Variants in RUFY3 observed in about 807,000 individuals in gnomAD.
RUFY3 encodes RUN and FYVE domain containing 3.
RUFY3 carries 34 observed loss-of-function variants against 84.0 expected under a neutral mutation model. The observed-to-expected ratio is 0.40, with a 90% confidence interval of 0.31 to 0.54. The LOEUF (loss-of-function observed/expected upper bound fraction) is 0.54, where lower values mean the gene tolerates loss of function less well. RUFY3 is among the 20% of genes least tolerant of loss of function. The pLI is 0.39. For synonymous variants in RUFY3, 242 were observed against 252.9 expected (o/e 0.96, Z 0.41); for missense variants, 507 against 736.8 (o/e 0.69, Z 3.61).
intron 4 of RUFY3, 60 bp downstream of exon 4, chr4:70,764,636 A>G (rs1182655456): frequency 1.0e-6 from 1 of 980,634 alleles, no homozygotes; most frequent in East Asian, 2.4e-5. Context: ...GTATAAAGTC[A>G]AACCATATAA....
intron 8 of RUFY3, among the ~76,000 whole-genome samples, chr4:70,779,671 C>T (rs1247266180): frequency 6.6e-6 from 1 of 151,600 alleles, no homozygotes; most frequent in African/African-American, 2.4e-5. Context: ...TAACCCCCGC[C>T]CCCCGGGCTC....
chr4:70,802,214 T>A (rs1578266537), intron 15 of RUFY3, among the ~76,000 whole-genome samples: 1 of 152,142 alleles, frequency 6.6e-6, no homozygotes, highest in African/African-American at 2.4e-5. Context: ...ATAGCTGCAA[T>A]CGTTAGACAT....
intron 1 of RUFY3, among the ~76,000 whole-genome samples, chr4:70,737,489 T>C (rs1389657355): frequency 6.6e-6 from 1 of 152,118 alleles, no homozygotes; most frequent in East Asian, 1.9e-4. Context: ...AGCTAAAGTA[T>C]CTTAGAGACA....
intron 1 of RUFY3, among the ~76,000 whole-genome samples, chr4:70,755,584 A>G (rs1293563395): frequency 6.6e-6 from 1 of 152,210 alleles, no homozygotes; most frequent in Admixed American, 6.5e-5. Context: ...ATGACTCTGT[A>G]AAGTTTATTA....
At chr4:70,798,537 T>C (rs563402291) in intron 14 of RUFY3, among the ~76,000 whole-genome samples, 3 of 151,996 alleles carry the variant, frequency 2.0e-5, no homozygotes, top group African/African-American at 7.2e-5. Context: ...ATGCCTGAAC[T>C]TTGTGAGGCC....
intron 8 of RUFY3, among the ~76,000 whole-genome samples, chr4:70,780,932 T>C (rs1728816682): frequency 6.6e-6 from 1 of 152,164 alleles, no homozygotes. Context: ...GTTCTGCCTT[T>C]TTTCATTTCC....
intron 12 of RUFY3, chr4:70,792,908 A>AT: frequency 1.0e-6 from 1 of 985,446 alleles, no homozygotes; most frequent in Non-Finnish European, 1.2e-6. Flanking sequence ...TCTTCTCTTC[A>AT]TCAACCTTTT....
chr4:70,733,168 AAG>A (rs1287821134), intron 1 of RUFY3, among the ~76,000 whole-genome samples: 7 of 98,362 alleles, frequency 7.1e-5, no homozygotes, highest in African/African-American at 1.9e-4. Flanking sequence ...GAGAGAGAGA[AAG>A]AAAGAAAGAA....
intron 8 of RUFY3, 78 bp downstream of exon 8, chr4:70,778,516 GGAAA>G: frequency 2.7e-6 from 2 of 747,110 alleles, no homozygotes; most frequent in Non-Finnish European, 4.6e-6. Flanking sequence ...ATGTAACCTT[GGAAA>G]GAAAGAACTT....
intron 1 of RUFY3, among the ~76,000 whole-genome samples, chr4:70,746,761 C>T (rs1223651270): frequency 1.3e-5 from 2 of 152,060 alleles, no homozygotes; most frequent in African/African-American, 2.4e-5. Context: ...AATGATTCTT[C>T]GGAGAATTAT....
intron 1 of RUFY3, among the ~76,000 whole-genome samples, chr4:70,727,228 T>G (rs1476019711): frequency 6.6e-6 from 1 of 150,812 alleles, no homozygotes; most frequent in East Asian, 1.9e-4. Flanking sequence ...GTGTTATTAC[T>G]GAGATGAAGT....
chr4:70,745,855 G>C (rs1185942045), intron 1 of RUFY3, among the ~76,000 whole-genome samples: 1 of 152,180 alleles, frequency 6.6e-6, no homozygotes, highest in African/African-American at 2.4e-5. Flanking sequence ...CGGGGCCGAG[G>C]CAGGCAGATT....
intron 5 of RUFY3, among the ~76,000 whole-genome samples, chr4:70,772,251 C>T (rs1727089129): frequency 6.6e-6 from 1 of 152,028 alleles, no homozygotes; most frequent in Non-Finnish European, 1.5e-5. Flanking sequence ...ATTTCCAGCA[C>T]CTCCATGAAT....
intron 1 of RUFY3, among the ~76,000 whole-genome samples, chr4:70,748,823 A>G (rs1722647093): frequency 6.6e-6 from 1 of 152,194 alleles, no homozygotes; most frequent in Non-Finnish European, 1.5e-5. Context: ...GTCTCTCATT[A>G]TCAGGTTCAT....
intron 1 of RUFY3, among the ~76,000 whole-genome samples, chr4:70,736,152 C>CAAAAAAAAAAAAAAAAAAA: frequency 1.6e-5 from 1 of 60,870 alleles, no homozygotes; most frequent in Non-Finnish European, 3.3e-5. Context: ...GACCCTGTCT[C>CAAAAAAAAAAAAAAAAAAA]AAAAAAAAAA....
chr4:70,768,477 C>A, intron 4 of RUFY3, 61 bp from the exon 5 acceptor site: 1 of 1,561,206 alleles, frequency 6.4e-7, no homozygotes, highest in Admixed American at 1.8e-5. Context: ...CATTTTTGTC[C>A]TTGTCTCTGG....
intron 1 of RUFY3, among the ~76,000 whole-genome samples, chr4:70,706,476 C>T (rs1232965878): frequency 6.6e-6 from 1 of 152,174 alleles, no homozygotes; most frequent in Non-Finnish European, 1.5e-5. Context: ...AACTGAATGC[C>T]ACTTTTTCAG....
chr4:70,751,789 C>G (rs1187143940), intron 1 of RUFY3, among the ~76,000 whole-genome samples: 1 of 152,156 alleles, frequency 6.6e-6, no homozygotes, highest in East Asian at 1.9e-4. Context: ...AAACCATTGC[C>G]TAGCCTATGG....
intron 11 of RUFY3, 79 bp downstream of exon 11, chr4:70,789,052 T>A (rs1459087259): frequency 3.3e-6 from 5 of 1,533,842 alleles, no homozygotes; most frequent in African/African-American, 1.4e-5. Context: ...TCCTCCAGAA[T>A]CACACTTTAA....
Sources: gnomAD v4.1 joint callset for allele counts (sites outside exome capture counted in the v4.1 genomes callset) on GRCh38, gnomAD v4.1.1 for gene constraint, MANE v1.5 for transcripts, NCBI Gene and HGNC (gene_info 2026-07-23, HGNC 2026-07-21) for gene names.